Variants in PELP1 observed in about 807,000 individuals in gnomAD.
PELP1 encodes the protein proline-, glutamic acid- and leucine-rich protein 1.
In PELP1, 32 loss-of-function variants were observed where a neutral mutation model predicts 95.5. That is an observed-to-expected ratio of 0.34 (90% CI 0.25 to 0.45). The LOEUF is 0.45. Ranked by LOEUF, PELP1 falls within the 20% of genes least tolerant of loss-of-function variation. The pLI is 1.00. For missense variants in PELP1, 1,358 were observed against 1,444.8 expected (o/e 0.94, Z 0.97); for synonymous variants, 668 against 600.1 (o/e 1.11, Z -1.65).
chr17:4,685,352 C>A (rs552803337), intron 3 of PELP1, among the ~76,000 whole-genome samples: 113 of 152,280 alleles, frequency 7.4e-4, no homozygotes, highest in African/African-American at 2.6e-3. Context: ...GTTGGCCTGT[C>A]TCAGTCTCCT....
intron 1 of PELP1, among the ~76,000 whole-genome samples, chr17:4,699,040 T>C (rs1261974163): frequency 1.3e-5 from 2 of 152,178 alleles, no homozygotes; most frequent in Non-Finnish European, 2.9e-5. Flanking sequence ...AGAATGATAG[T>C]TTAGGAGATC....
chr17:4,689,007 C>A (rs1484595299), intron 3 of PELP1, among the ~76,000 whole-genome samples: 3 of 152,164 alleles, frequency 2.0e-5, no homozygotes, highest in African/African-American at 4.8e-5. Context: ...GGCACATAGA[C>A]CAATGGAACA....
At chr17:4,682,471 C>A in intron 5 of PELP1, 31 bp downstream of exon 5, 2 of 1,428,352 alleles carry the variant, frequency 1.4e-6, no homozygotes, top group African/African-American at 2.8e-5. Flanking sequence ...AACGCTTACA[C>A]TGGTGGGGAG....
Position 4,672,379 on chromosome 17 carries a change from G to T in PELP1, c.2612C>A (p.Pro871His), listed in dbSNP as rs763340309. ...VPEGTPGGGG[P>H]PALEEDLTVI... ...TGTCAAATCCTCTTCCAGGGCTGGG[G>T]GTCCTCCCCCACCAGGAGTCCCTTC... The change falls in exon 16 of 17, where the codon CCC (proline) becomes CAC (histidine). Residue 871 changes from proline (P) to histidine (H), a missense_variant. Coordinates refer to ENST00000572293, the MANE Select transcript of PELP1 (RefSeq NM_014389.3). 6.4e-7 allele frequency: 1 copy of T among 1,554,830 alleles called. No individual in the cohort carries two copies. Among genetic ancestry groups the T allele is most frequent in the South Asian group, 1.2e-5 (1 of 84,290 alleles).
intron 1 of PELP1, among the ~76,000 whole-genome samples, chr17:4,697,776 T>C (rs1913351360): frequency 1.3e-5 from 2 of 152,054 alleles, no homozygotes; most frequent in South Asian, 2.1e-4. Flanking sequence ...GGAACAACCA[T>C]CATAGTAATA....
chr17:4,677,124 AC>A (rs140023737), intron 5 of PELP1, among the ~76,000 whole-genome samples: 6,802 of 152,158 alleles, frequency 0.045, 193 homozygotes, highest in Middle Eastern at 0.13. Flanking sequence ...AGGACATAGT[AC>A]TAAAAAACAG....
intron 5 of PELP1, among the ~76,000 whole-genome samples, chr17:4,681,406 A>C (rs1034065809): frequency 2.0e-5 from 3 of 151,794 alleles, no homozygotes; most frequent in Non-Finnish European, 4.4e-5. Flanking sequence ...AGCTACTCGG[A>C]GGCTAAGGCA....
intron 1 of PELP1, among the ~76,000 whole-genome samples, chr17:4,693,317 T>C (rs1285392290): frequency 6.6e-6 from 1 of 152,118 alleles, no homozygotes; most frequent in East Asian, 1.9e-4. Context: ...ACAGATCAAA[T>C]ATAGTGCAGC....
Position 4,673,868 on chromosome 17 carries a change from G to A in PELP1, c.1583-194C>T, listed in dbSNP as rs923956031. The A allele has an allele frequency of 1.8e-6, 1 of 562,636 alleles. No homozygotes were observed. The highest frequency in any genetic ancestry group is 3.2e-6 in the Non-Finnish European group (1 of 312,640). The allele number at this position is 562,636 out of a possible 1,614,324, so 34.9% of individuals were successfully genotyped here. A position where few individuals can be genotyped will look rare whatever the true frequency, so the allele number is the denominator to read the frequency against. On this transcript the variant is annotated intron_variant, in intron 13 of 16. Coordinates refer to ENST00000572293, the MANE Select transcript of PELP1 (RefSeq NM_014389.3). This position sits in a 1 kb window ranked among gnomAD's most constrained non-coding sequence, Gnocchi z 5.7. ...AGGGCCACTGACGGTATTTAATTGA[G>A]ACAATGTAAGTAAAAAATTATAAAT...
At chr17:4,703,328 C>T (rs1046909028) in intron 1 of PELP1, among the ~76,000 whole-genome samples, 10 of 152,152 alleles carry the variant, frequency 6.6e-5, no homozygotes, top group Non-Finnish European at 1.5e-4. Context: ...TCCTTAGGGT[C>T]TCAGCTTAAA....
intron 1 of PELP1, among the ~76,000 whole-genome samples, chr17:4,703,003 A>G (rs1285048244): frequency 6.6e-6 from 1 of 152,222 alleles, no homozygotes; most frequent in East Asian, 1.9e-4. Flanking sequence ...AGGACTTGAC[A>G]GATTGCTTAT....
At chr17:4,686,155 C>T (rs4556849) in intron 3 of PELP1, among the ~76,000 whole-genome samples, 148,867 of 152,238 alleles carry the variant, frequency 0.98, 72,869 homozygotes, top group Middle Eastern at 1. Context: ...CTGAGATGCC[C>T]GGCCACTTCC....
At chr17:4,694,515 C>A in intron 1 of PELP1, among the ~76,000 whole-genome samples, 1 of 19,298 alleles carries the variant, frequency 5.2e-5, no homozygotes, top group Non-Finnish European at 1.2e-4. Flanking sequence ...AAAAAATCAG[C>A]CAGGCGTGGT....
rs368934279 is a variant in PELP1 at position 4,675,825 on chromosome 17, C to T, written c.1040G>A (p.Arg347Gln). ...ATTCTTGCTACTGACGCTGAGGGTC[C>T]GGCAGATGAAATCCAGGATTTCCTG... ...PVQEILDFIC[R>Q]TLSVSSKNIS... is the part of the protein sequence containing the mutation. The change falls in exon 9 of 17, where the codon CGG (arginine) becomes CAG (glutamine). Residue 347 changes from arginine (R) to glutamine (Q), a missense_variant. Transcript: ENST00000572293. This position sits in a 1 kb window ranked among gnomAD's most constrained non-coding sequence, Gnocchi z 4.3. 2.3e-5 allele frequency: 37 copies of T among 1,586,876 alleles called. No individual in the cohort carries two copies. Among genetic ancestry groups the T allele is most frequent in the Admixed American group, 5.4e-5 (3 of 55,446 alleles).
In PELP1 at chr17:4,671,669, C is replaced by T. The variant is rs762911508; in HGVS notation, c.3300+22G>A. On this transcript the variant is annotated intron_variant, in intron 16 of 16. Coordinates refer to ENST00000572293, the MANE Select transcript of PELP1 (RefSeq NM_014389.3). ...CAGCCCCACCTTCTCGCCCAAGGAACCTTCCCTGCCTGGCCTCTCACCTTT... is the reference window on the plus strand; with the variant it reads ...CAGCCCCACCTTCTCGCCCAAGGAATCTTCCCTGCCTGGCCTCTCACCTTT... 3 of 1,591,186 alleles carry T rather than the reference C, an allele frequency of 1.9e-6. No individual in the cohort carries two copies. The East Asian group carries it at 6.7e-5, about 36-fold the overall frequency.
chr17:4,687,302 T>C (rs1225300656), intron 3 of PELP1, among the ~76,000 whole-genome samples: 1 of 152,116 alleles, frequency 6.6e-6, no homozygotes, highest in Non-Finnish European at 1.5e-5. Flanking sequence ...CCGAGCACTC[T>C]GGGAGGCCAA....
Position 4,671,820 on chromosome 17 carries a change from C to A in PELP1, c.3171G>T (p.Glu1057Asp). Residue 1057 changes from glutamate (E) to aspartate (D), a missense_variant, in exon 16 of 17, where the codon GAG (glutamate) becomes GAT (aspartate). Coordinates refer to ENST00000572293, the MANE Select transcript of PELP1 (RefSeq NM_014389.3). ...CCAACAGGGTTGGGGGAGCAGAGGG[C>A]TCTTCTTCAACAAGCTCCTGGGGAG... ...GPPPQELVEE[E>D]PSAPPTLLEE... The A allele has an allele frequency of 1.3e-6, 2 of 1,512,536 alleles. No individual in the cohort carries two copies. Among genetic ancestry groups the A allele is most frequent in the Non-Finnish European group, 8.8e-7 (1 of 1,134,550 alleles). 93.7% of individuals were successfully genotyped at this position (1,512,536 alleles called of 1,614,324 possible).
In PELP1 at chr17:4,703,955, C is replaced by G. The variant is rs1236265324; in HGVS notation, c.157G>C (p.Val53Leu). ...GLLQPRTGSA[V>L]APVHPPNRSA... ...CGGTTTGGGGGATGCACCGGAGCAA[C>G]GGCAGACCCCGTTCGAGGTTGCAGC... is the stretch of plus-strand genomic sequence containing the variant. Residue 53 changes from valine (V) to leucine (L), a missense_variant, in exon 1 of 17, where the codon GTT becomes CTT. Physicochemically the swap from Val to Leu is conservative, Grantham distance 32. Transcript: ENST00000572293. 3 of 1,613,640 alleles carry G rather than the reference C, an allele frequency of 1.9e-6. No individual in the cohort carries two copies. The highest frequency in any genetic ancestry group is 2.5e-6 in the Non-Finnish European group (3 of 1,179,748).
chr17:4,701,718 T>A (rs1417242544), intron 1 of PELP1, among the ~76,000 whole-genome samples: 1 of 152,184 alleles, frequency 6.6e-6, no homozygotes, highest in East Asian at 1.9e-4. Flanking sequence ...AGACTAGAAA[T>A]TCTCTGAGGG....
Sources: gnomAD v4.1 joint callset for allele counts (sites outside exome capture counted in the v4.1 genomes callset) on GRCh38, gnomAD v4.1.1 for gene constraint, Gnocchi (gnomAD v3.1) non-coding constraint, MANE v1.5 for transcripts, NCBI Gene and HGNC (gene_info 2026-07-23, HGNC 2026-07-21) for gene names.